The following VWA8 variants were observed in gnomAD, a reference collection of about 807,000 sequenced individuals.
The protein encoded by VWA8 is von Willebrand factor A domain-containing protein 8.
In VWA8, 221 loss-of-function variants were observed where a neutral mutation model predicts 241.5. The ratio of observed to expected loss-of-function variants is 0.91; its 90% CI spans 0.82 to 1.02. The LOEUF (loss-of-function observed/expected upper bound fraction) is 1.02. Ranked by LOEUF, VWA8 falls within the 50% of genes least tolerant of loss-of-function variation. The pLI is 0.00. For missense variants in VWA8, 2,322 were observed against 2,328.7 expected, an observed-to-expected ratio of 1.00 and a Z score of 0.06; for synonymous variants, 852 against 827.1, an observed-to-expected ratio of 1.03 and a Z score of -0.52.
At chr13:41,703,687 T>G in intron 26 of VWA8, among the ~76,000 whole-genome samples, 1 of 152,236 alleles carries the variant, frequency 6.6e-6, no homozygotes, top group East Asian at 1.9e-4. Context: ...CATACTCCTT[T>G]GAATTGCAGT....
chr13:41,749,628 AG>A (rs2045638517), intron 21 of VWA8, among the ~76,000 whole-genome samples: 1 of 152,138 alleles, frequency 6.6e-6, no homozygotes, highest in African/African-American at 2.4e-5. Context: ...ATGATAGACT[AG>A]ATTAAGAAAA....
At chr13:41,605,394 A>G in intron 39 of VWA8, 118 bp from the exon 40 acceptor site, 1 of 927,088 alleles carries the variant, frequency 1.1e-6, no homozygotes, top group Non-Finnish European at 1.7e-6. Context: ...ATTCATGTTG[A>G]GGAGAAAAGG....
intron 37 of VWA8, among the ~76,000 whole-genome samples, chr13:41,660,447 T>C (rs188094026): frequency 7.2e-5 from 11 of 152,258 alleles, no homozygotes; most frequent in Admixed American, 6.5e-4. Context: ...CCCAGAGGCA[T>C]TGGCTTTCCT....
chr13:41,875,330 C>T (rs1252905270), intron 9 of VWA8, among the ~76,000 whole-genome samples: 1 of 152,070 alleles, frequency 6.6e-6, no homozygotes, highest in Non-Finnish European at 1.5e-5. Flanking sequence ...TCCTTTTCCA[C>T]CTCAGCTAGG....
rs186045616 is a variant in VWA8 at position 41,866,013 on chromosome 13, T to A, written c.1236A>T (p.Leu412Phe). ...TIKVPAGTRLLSQPCASDRFI... is the reference protein window; with the variant it reads ...TIKVPAGTRLFSQPCASDRFI... ...AACGGTCTGACGCACAAGGTTGACT[T>A]AATAGCCTGGTCCCGGCTGGCACCT... The change falls in exon 11 of 45, where the codon TTA (leucine) becomes TTT (phenylalanine). Residue 412 changes from leucine to phenylalanine, a missense_variant. Transcript: ENST00000379310. The A allele has an allele frequency of 1.7e-5, 28 of 1,614,130 alleles. No homozygotes were observed. In the Admixed American group the frequency reaches 4.5e-4, roughly 26 times the overall value.
chr13:41,726,985 A>G (rs2045440775), intron 24 of VWA8, among the ~76,000 whole-genome samples: 1 of 152,026 alleles, frequency 6.6e-6, no homozygotes, highest in African/African-American at 2.4e-5. Flanking sequence ...ACAGAGCGAG[A>G]CTCCATCTCG....
intron 4 of VWA8, 101 bp from the exon 5 acceptor site, chr13:41,891,688 G>C: frequency 3.2e-6 from 4 of 1,266,690 alleles, no homozygotes; most frequent in South Asian, 1.4e-5. Context: ...TCTTGTTATA[G>C]GGACCAGAAA....
At chr13:41,607,510 T>C (rs533709869) in intron 39 of VWA8, among the ~76,000 whole-genome samples, 168 of 152,270 alleles carry the variant, frequency 1.1e-3, no homozygotes, top group African/African-American at 3.8e-3. Context: ...CTGGGCACAA[T>C]GAACAATGCA....
chr13:41,744,795 A>G (rs1380739156), intron 21 of VWA8, among the ~76,000 whole-genome samples: 1 of 151,630 alleles, frequency 6.6e-6, no homozygotes, highest in Non-Finnish European at 1.5e-5. Context: ...TATGATTGAA[A>G]CAGTTCTAAT....
At chr13:41,932,533 T>A (rs149037298) in intron 2 of VWA8, among the ~76,000 whole-genome samples, 8 of 152,010 alleles carry the variant, frequency 5.3e-5, no homozygotes, top group Non-Finnish European at 8.8e-5. Context: ...ATATCCTTCA[T>A]AGAGATGTAC....
chr13:41,778,918 T>C (rs866219692), intron 19 of VWA8, among the ~76,000 whole-genome samples: 1 of 136,674 alleles, frequency 7.3e-6, no homozygotes, highest in Non-Finnish European at 1.5e-5. Context: ...CTCGGCTCAC[T>C]GCAAGCTCCG....
At chr13:41,857,736 C>T (rs1872814252) in intron 12 of VWA8, among the ~76,000 whole-genome samples, 1 of 152,102 alleles carries the variant, frequency 6.6e-6, no homozygotes, top group Non-Finnish European at 1.5e-5. Context: ...TTTCATTCTG[C>T]TAACTCTTTA....
intron 2 of VWA8, among the ~76,000 whole-genome samples, chr13:41,948,677 T>G (rs971995013): frequency 2.0e-5 from 3 of 152,176 alleles, no homozygotes; most frequent in Admixed American, 2.0e-4. Flanking sequence ...TGTTTGGCAG[T>G]GAGTTAAAAA....
At position 41,777,430 on chromosome 13, in the gene VWA8, G is replaced by A. The variant is rs371326912; in HGVS notation, c.2349+555C>T. Among the ~76,000 whole-genome samples, 36 of 152,190 alleles carry A rather than the reference G, an allele frequency of 2.4e-4. 2 individuals are homozygous for A. In the East Asian group the frequency reaches 4.1e-3, roughly 17 times the overall value. ...AGAGATAAGTAACTGAATAGATAAG[G>A]AACTGCAGAGTGCCTCAAGCCAACA... On this transcript the variant is annotated intron_variant, in intron 20 of 44. Transcript: ENST00000379310.
chr13:41,695,373 T>C (rs2045209754), intron 29 of VWA8, among the ~76,000 whole-genome samples: 2 of 152,230 alleles, frequency 1.3e-5, no homozygotes, highest in African/African-American at 4.8e-5. Context: ...GACATGCATC[T>C]GAGCAAAGCT....
At chr13:41,720,651 T>G (rs886889622) in intron 25 of VWA8, among the ~76,000 whole-genome samples, 4 of 152,112 alleles carry the variant, frequency 2.6e-5, no homozygotes, top group East Asian at 1.9e-4. Context: ...ATTTCTCCTG[T>G]CTAACTGGAA....
At chr13:41,611,850 A>G in intron 38 of VWA8, 118 bp from the exon 39 acceptor site, 1 of 1,123,408 alleles carries the variant, frequency 8.9e-7, no homozygotes, top group Admixed American at 2.6e-5. Flanking sequence ...ACTAGTAATT[A>G]AACAGTCAAA....
intron 17 of VWA8, among the ~76,000 whole-genome samples, chr13:41,809,402 A>C (rs545342523): frequency 6.2e-4 from 94 of 152,344 alleles, no homozygotes; most frequent in Non-Finnish European, 1.3e-3. Context: ...CTAGCATAAC[A>C]GATACATAGA....
chr13:41,908,146 T>C (rs1177202825), intron 3 of VWA8, among the ~76,000 whole-genome samples: 3 of 152,176 alleles, frequency 2.0e-5, no homozygotes, highest in Non-Finnish European at 4.4e-5. Flanking sequence ...GTTAGGTACT[T>C]TACCAAATGT....
Sources: gnomAD v4.1 joint callset for allele counts (sites outside exome capture counted in the v4.1 genomes callset) on GRCh38, gnomAD v4.1.1 for gene constraint, MANE v1.5 for transcripts, NCBI Gene and HGNC (gene_info 2026-07-23, HGNC 2026-07-21) for gene names.